RAD54B: variants seen among roughly 807,000 people sequenced by gnomAD.
RAD54B encodes RAD54 homolog B.
A neutral mutation model predicts 95.8 loss-of-function variants in RAD54B; 78 were observed. The observed-to-expected ratio is 0.81, with a 90% CI of 0.68 to 0.98. RAD54B has a LOEUF of 0.98. RAD54B is among the 50% of genes least tolerant of loss of function. The pLI is 0.00. For synonymous variants in RAD54B, 328 were observed against 354.9 expected, an observed-to-expected ratio of 0.92 and a Z score of 0.85; for missense variants, 957 against 1,056.6, an observed-to-expected ratio of 0.91 and a Z score of 1.31.
chr8:94,416,283 G>A (rs1214705268), intron 3 of RAD54B, among the ~76,000 whole-genome samples: 9 of 151,470 alleles, frequency 5.9e-5, no homozygotes, highest in Non-Finnish European at 2.9e-5. Flanking sequence ...ACCAAACACC[G>A]CATGTTCTCA....
At chr8:94,397,191 G>C (rs1367178142) in intron 8 of RAD54B, among the ~76,000 whole-genome samples, 1 of 152,052 alleles carries the variant, frequency 6.6e-6, no homozygotes, top group Non-Finnish European at 1.5e-5. Context: ...ATTTTCATTT[G>C]ATTCTTAGTT....
chr8:94,445,887 A>G (rs751918274), intron 3 of RAD54B, among the ~76,000 whole-genome samples: 40 of 152,156 alleles, frequency 2.6e-4, no homozygotes, highest in Non-Finnish European at 1.0e-4. Context: ...ACGTACTCAT[A>G]TTTGAAACTT....
At chr8:94,374,687 C>T (rs1810524929) in intron 14 of RAD54B, among the ~76,000 whole-genome samples, 1 of 151,696 alleles carries the variant, frequency 6.6e-6, no homozygotes, top group South Asian at 2.1e-4. Flanking sequence ...CACTACATAA[C>T]AATAAAATAG....
At chr8:94,411,011 AAAG>A in intron 4 of RAD54B, 107 bp downstream of exon 4, 2 of 786,532 alleles carry the variant, frequency 2.5e-6, no homozygotes, top group Non-Finnish European at 4.0e-6. Flanking sequence ...AACATCCATT[AAAG>A]AATACCTTAT....
chr8:94,429,998 T>C, intron 3 of RAD54B: 2 of 985,398 alleles, frequency 2.0e-6, no homozygotes, highest in Non-Finnish European at 2.4e-6. Flanking sequence ...CTTCTCATTG[T>C]ACGTTAAGTC....
Position 94,390,283 on chromosome 8 carries a change from T to C in RAD54B, c.1809+1326A>G, listed in dbSNP as rs1386560175. On this transcript the variant is annotated intron_variant, in intron 10 of 14. Transcript: ENST00000336148. ...GGGAGGTCGAGGCAGGCAGATCACC[T>C]GAGGTCAGGAGTTCGAGACCAGCCT... 3.3e-5 allele frequency among the ~76,000 whole-genome samples: 5 copies of C among 151,862 alleles called. No homozygotes were observed. The East Asian group carries it at 9.7e-4, about 29-fold the overall frequency.
intron 8 of RAD54B, among the ~76,000 whole-genome samples, chr8:94,394,407 A>G (rs1401770838): frequency 1.3e-5 from 2 of 151,208 alleles, no homozygotes; most frequent in Non-Finnish European, 3.0e-5. Flanking sequence ...TAAACTCAGA[A>G]TTTTTTTTTT....
chr8:94,469,318 G>A (rs191081295), intron 1 of RAD54B, among the ~76,000 whole-genome samples: 43 of 152,240 alleles, frequency 2.8e-4, no homozygotes, highest in African/African-American at 8.9e-4. Flanking sequence ...CACGAGATCC[G>A]ATGGTTTTAT....
intron 10 of RAD54B, among the ~76,000 whole-genome samples, chr8:94,389,712 T>C (rs1810970003): frequency 6.6e-6 from 1 of 152,224 alleles, no homozygotes; most frequent in East Asian, 1.9e-4. Context: ...TTAAAGGTTA[T>C]TTATACATGT....
At chr8:94,407,223 T>A (rs2130028226) in intron 5 of RAD54B, among the ~76,000 whole-genome samples, 1 of 152,290 alleles carries the variant, frequency 6.6e-6, no homozygotes, top group East Asian at 1.9e-4. Context: ...GTATTTTTAT[T>A]ACTGTATTCT....
chr8:94,424,752 T>C (rs535401497), intron 3 of RAD54B, among the ~76,000 whole-genome samples: 1 of 152,172 alleles, frequency 6.6e-6, no homozygotes, highest in African/African-American at 2.4e-5. Context: ...ACAAGAGACT[T>C]GAAGGTCTAT....
At chr8:94,391,573 A>G (rs1170515608) in intron 10 of RAD54B, 36 bp downstream of exon 10, 2 of 1,589,730 alleles carry the variant, frequency 1.3e-6, no homozygotes, top group Admixed American at 3.5e-5. Flanking sequence ...TAGAACCCTC[A>G]TATCCCTGAC....
chr8:94,380,259 A>G lies in RAD54B; in HGVS notation c.2133T>C (p.Ser711=), dbSNP rs772939374. ...QIVDGFNSQH[S]SFFIFLLSSK... ...AACTTAACAAAAAAATAAAAAAAGA[A>G]GAGTGTTGACTGTTAAAGCCATCAA... The change falls in exon 12 of 15, where the codon TCT becomes TCC. Residue 711 remains serine, a synonymous_variant. Transcript: ENST00000336148. 6.2e-7 allele frequency: 1 copy of G among 1,614,096 alleles called. No homozygotes were observed. The highest frequency in any genetic ancestry group is 1.3e-5 in the African/African-American group (1 of 75,062).
chr8:94,443,166 T>C (rs1563659557), intron 3 of RAD54B, among the ~76,000 whole-genome samples: 1 of 152,156 alleles, frequency 6.6e-6, no homozygotes, highest in Admixed American at 6.5e-5. Context: ...TCATGTCTTT[T>C]GCAGGGACAT....
chr8:94,406,027 CAT>C lies in RAD54B; in HGVS notation c.781+1410_781+1411del, dbSNP rs1554604619. On this transcript the variant is annotated intron_variant, in intron 5 of 14. Coordinates refer to ENST00000336148, the MANE Select transcript of RAD54B (RefSeq NM_012415.3). The stretch of plus-strand genomic sequence containing the variant: ...TTACACACACACACACACACACACA[CAT>C]ATATATAAAATTCACATGTACACAT... Among the ~76,000 whole-genome samples, 117 of 150,532 alleles carry C rather than the reference CAT, an allele frequency of 7.8e-4. 3 individuals are homozygous for C. In the South Asian group the frequency reaches 0.023, roughly 30 times the overall value.
intron 11 of RAD54B, among the ~76,000 whole-genome samples, chr8:94,385,045 G>A (rs1321117001): frequency 6.6e-6 from 1 of 152,154 alleles, no homozygotes; most frequent in East Asian, 1.9e-4. Context: ...CAAGGCTGCA[G>A]TGGGCTGAGG....
rs184876933 is a variant in RAD54B at position 94,420,339 on chromosome 8, T to C, written c.305-9024A>G. 4.7e-4 allele frequency among the ~76,000 whole-genome samples: 65 copies of C among 138,938 alleles called. No individual in the cohort carries two copies. In the East Asian group the frequency reaches 0.013, roughly 29 times the overall value. The allele number at this position is 138,938 out of a possible 152,430, so 91.1% of individuals were successfully genotyped here. A position where few individuals can be genotyped will look rare whatever the true frequency, so the allele number is the denominator to read the frequency against. On this transcript the variant is annotated intron_variant, in intron 3 of 14. Coordinates refer to ENST00000336148, the MANE Select transcript of RAD54B (RefSeq NM_012415.3). ...GGTGTGATCTTGGTTCACAGAAACC[T>C]CCACTTCCTGGGCTCAAGCGATCCT...
intron 12 of RAD54B, 38 bp downstream of exon 12, chr8:94,380,107 C>T: frequency 6.5e-7 from 1 of 1,548,292 alleles, no homozygotes; most frequent in Non-Finnish European, 8.8e-7. Flanking sequence ...TATCCTCAGG[C>T]ATTCAATAAT....
At chr8:94,461,126 T>C (rs1812890653) in intron 2 of RAD54B, among the ~76,000 whole-genome samples, 1 of 150,002 alleles carries the variant, frequency 6.7e-6, no homozygotes, top group Non-Finnish European at 1.5e-5. Flanking sequence ...CTCACAATAA[T>C]AGGCAAAGTT....
Sources: allele counts gnomAD v4.1 joint callset (sites outside exome capture counted in the v4.1 genomes callset), GRCh38; gene constraint gnomAD v4.1.1; transcripts MANE v1.5; gene names NCBI Gene and HGNC (gene_info 2026-07-23, HGNC 2026-07-21).